Variants in CACNA2D3 observed in about 807,000 individuals in gnomAD.
The protein encoded by CACNA2D3 is calcium voltage-gated channel auxiliary subunit alpha2delta 3, also known as voltage-dependent calcium channel subunit alpha-2/delta-3.
In CACNA2D3, 60 loss-of-function variants were observed where a neutral mutation model predicts 160.6. That is an observed-to-expected ratio of 0.37 (90% CI 0.30 to 0.46). The LOEUF is 0.46. Ranked by LOEUF, CACNA2D3 falls within the 20% of genes least tolerant of loss-of-function variation. CACNA2D3 has a pLI of 1.00. For synonymous variants in CACNA2D3, 558 were observed against 492.9 expected (o/e 1.13, Z -1.75); for missense variants, 1,205 against 1,365.0 (o/e 0.88, Z 1.85).
At position 54,924,857 on chromosome 3, in the gene CACNA2D3, A is replaced by G. The variant is rs35757787; in HGVS notation, c.2449+24989A>G. Reference sequence around the variant, plus strand: ...ATGACAAATCAAGCTCCCTCAGCTGAGGGAGGGAATGGAAAAGTCTGCTTT... The same window carrying G: ...ATGACAAATCAAGCTCCCTCAGCTGGGGGAGGGAATGGAAAAGTCTGCTTT... On this transcript the variant is annotated intron_variant, in intron 27 of 37. Transcript: ENST00000474759. 5.4e-3 allele frequency: 8,751 copies of G among 1,613,826 alleles called. 424 individuals are homozygous for G. In the African/African-American group the frequency reaches 0.1, roughly 19 times the overall value.
intron 3 of CACNA2D3, among the ~76,000 whole-genome samples, chr3:54,379,909 T>A (rs1329294437): frequency 2.0e-5 from 3 of 152,176 alleles, no homozygotes; most frequent in Non-Finnish European, 4.4e-5. Context: ...CATCTTACGT[T>A]TTTTTCATGG....
At chr3:54,946,831 AT>A (rs1701626865) in intron 27 of CACNA2D3, among the ~76,000 whole-genome samples, 1 of 140,294 alleles carries the variant, frequency 7.1e-6, no homozygotes, top group African/African-American at 2.7e-5. Context: ...AAAAAAAAAA[AT>A]GATGGGACCA....
chr3:54,749,855 TACAA>T (rs767365561), intron 11 of CACNA2D3, among the ~76,000 whole-genome samples: 1 of 152,186 alleles, frequency 6.6e-6, no homozygotes, highest in Middle Eastern at 3.2e-3. Flanking sequence ...TAAAATAACA[TACAA>T]ACCAATGAAA....
intron 4 of CACNA2D3, among the ~76,000 whole-genome samples, chr3:54,471,754 C>G (rs1014365244): frequency 1.2e-4 from 18 of 152,108 alleles, no homozygotes; most frequent in Non-Finnish European, 2.5e-4. Flanking sequence ...AAACTACCAT[C>G]AGAGAATATT....
chr3:54,826,535 C>A (rs995481923), intron 14 of CACNA2D3, among the ~76,000 whole-genome samples: 1 of 152,148 alleles, frequency 6.6e-6, no homozygotes, highest in East Asian at 1.9e-4. Context: ...GAACCACTTG[C>A]TGAATCATGA....
At chr3:55,028,466 A>G (rs1703612206) in intron 35 of CACNA2D3, among the ~76,000 whole-genome samples, 1 of 152,146 alleles carries the variant, frequency 6.6e-6, no homozygotes, top group South Asian at 2.1e-4. Context: ...AACTCAGCCC[A>G]TATTTTCTGG....
intron 11 of CACNA2D3, among the ~76,000 whole-genome samples, chr3:54,724,962 A>G (rs1432662667): frequency 6.6e-6 from 1 of 152,228 alleles, no homozygotes; most frequent in Non-Finnish European, 1.5e-5. Flanking sequence ...ACTTCAAAAA[A>G]TTAGTGAATC....
intron 4 of CACNA2D3, among the ~76,000 whole-genome samples, chr3:54,458,404 C>T (rs1482439355): frequency 6.7e-6 from 1 of 150,272 alleles, no homozygotes; most frequent in East Asian, 1.9e-4. Context: ...AACTTTATTT[C>T]TCTTTCATTT....
intron 27 of CACNA2D3, among the ~76,000 whole-genome samples, chr3:54,933,047 CCCTCCCTTCCTT>C (rs1559635590): frequency 7.4e-6 from 1 of 135,116 alleles, no homozygotes; most frequent in Non-Finnish European, 1.5e-5. Flanking sequence ...ATCCATCCAT[CCCTCCCTTCCTT>C]CCTTCCTTCC....
chr3:54,265,542 G>A (rs1268831126), intron 2 of CACNA2D3, among the ~76,000 whole-genome samples: 1 of 128,780 alleles, frequency 7.8e-6, no homozygotes, highest in Non-Finnish European at 1.6e-5. Flanking sequence ...GTGTGTGTGT[G>A]TGTGTGTGTG....
chr3:54,500,716 CT>C (rs1701281589), intron 4 of CACNA2D3, among the ~76,000 whole-genome samples: 1 of 151,206 alleles, frequency 6.6e-6, no homozygotes, highest in Admixed American at 6.6e-5. Context: ...ATTATGCTTC[CT>C]TTTACAGTTA....
At chr3:54,862,952 A>G (rs563825806) in intron 17 of CACNA2D3, among the ~76,000 whole-genome samples, 1 of 152,296 alleles carries the variant, frequency 6.6e-6, no homozygotes, top group East Asian at 1.9e-4. Context: ...GGCTCCACAT[A>G]CCCAAAAGTC....
chr3:54,363,994 C>T (rs1698787635), intron 3 of CACNA2D3, among the ~76,000 whole-genome samples: 1 of 152,100 alleles, frequency 6.6e-6, no homozygotes, highest in African/African-American at 2.4e-5. Flanking sequence ...AGAAGAGTAT[C>T]TGAAGAGACC....
Position 54,478,512 on chromosome 3 carries a change from G to T in CACNA2D3, c.382-24980G>T, listed in dbSNP as rs527607921. 2.4e-3 allele frequency among the ~76,000 whole-genome samples: 356 copies of T among 151,336 alleles called. 2 individuals are homozygous for T. Among genetic ancestry groups the T allele is most frequent in the African/African-American group, 8.3e-3 (340 of 41,208 alleles). ...CCAGGTGTGGTGGCAGGCGCCTGTAGTCCCAGCTATTAGGGAGGCTGAGGC... is the reference window on the plus strand; with the variant it reads ...CCAGGTGTGGTGGCAGGCGCCTGTATTCCCAGCTATTAGGGAGGCTGAGGC... On this transcript the variant is annotated intron_variant, in intron 4 of 37. Transcript: ENST00000474759.
chr3:54,694,860 C>T (rs1033298833), intron 11 of CACNA2D3, among the ~76,000 whole-genome samples: 4 of 152,076 alleles, frequency 2.6e-5, no homozygotes, highest in African/African-American at 9.7e-5. Flanking sequence ...TAAGGTTTTC[C>T]AGTGAATGCA....
At chr3:54,779,634 C>T (rs1266216321) in intron 13 of CACNA2D3, among the ~76,000 whole-genome samples, 1 of 152,124 alleles carries the variant, frequency 6.6e-6, no homozygotes, top group Non-Finnish European at 1.5e-5. Context: ...CCTGAACAAC[C>T]CAAACTTTCT....
intron 10 of CACNA2D3, chr3:54,632,090 G>T (rs991563821): frequency 3.9e-5 from 6 of 152,100 alleles, no homozygotes; most frequent in Non-Finnish European, 7.4e-5. Flanking sequence ...ATTCAATAAA[G>T]AAAAGTTTTA....
intron 5 of CACNA2D3, among the ~76,000 whole-genome samples, chr3:54,529,762 A>G (rs1701779106): frequency 6.6e-6 from 1 of 152,096 alleles, no homozygotes; most frequent in East Asian, 1.9e-4. Flanking sequence ...CTTTCTTTAT[A>G]ATTCTTATTA....
At chr3:54,921,014 C>T (rs1700832549) in intron 27 of CACNA2D3, among the ~76,000 whole-genome samples, 2 of 152,170 alleles carry the variant, frequency 1.3e-5, no homozygotes, top group Admixed American at 1.3e-4. Flanking sequence ...GCAGGTGATC[C>T]TCAGCCGGGA....
Sources: allele counts gnomAD v4.1 joint callset (sites outside exome capture counted in the v4.1 genomes callset), GRCh38; gene constraint gnomAD v4.1.1; transcripts MANE v1.5; gene names NCBI Gene and HGNC (gene_info 2026-07-23, HGNC 2026-07-21).